Variants in ANKRD17 observed in about 807,000 individuals in gnomAD.
ANKRD17 encodes the protein ankyrin repeat domain 17.
A neutral mutation model predicts 229.7 loss-of-function variants in ANKRD17; 19 were observed. The observed-to-expected ratio is 0.08, with a 90% CI of 0.06 to 0.12. The LOEUF (loss-of-function observed/expected upper bound fraction) is 0.12, where lower values mean the gene tolerates loss of function less well. ANKRD17 is among the 10% of genes least tolerant of loss of function. The pLI is 1.00. For synonymous variants in ANKRD17, 1,112 were observed against 1,146.1 expected (o/e 0.97, Z 0.60); for missense variants, 2,176 against 3,176.8 (o/e 0.68, Z 7.57).
chr4:73,091,145 C>T lies in ANKRD17; in HGVS notation c.6483G>A (p.Gln2161=). The T allele has an allele frequency of 1.9e-6, 3 of 1,614,136 alleles. No homozygotes were observed. The highest frequency in any genetic ancestry group is 1.7e-6 in the Non-Finnish European group (2 of 1,180,038). The change falls in exon 29 of 34, where the codon CAG becomes CAA. Residue 2161 remains glutamine, a synonymous_variant. Coordinates refer to ENST00000358602, the MANE Select transcript of ANKRD17 (RefSeq NM_032217.5). ...STAPVTYPMP[Q]TPMGCPQPTP... Reference sequence around the variant, plus strand: ...TAGGCTGGGGGCATCCCATTGGTGTCTGAGGCATAGGGTAAGTCACTGGGG... The same window carrying T: ...TAGGCTGGGGGCATCCCATTGGTGTTTGAGGCATAGGGTAAGTCACTGGGG...
intron 28 of ANKRD17, 151 bp from the exon 29 acceptor site, chr4:73,092,451 G>A (rs963510995): frequency 1.2e-5 from 8 of 658,884 alleles, no homozygotes; most frequent in African/African-American, 7.3e-5. Context: ...AACAAAAGCT[G>A]GGCAGCAATT....
At chr4:73,077,640 A>G (rs1721128936) in intron 31 of ANKRD17, 107 bp from the exon 32 acceptor site, 3 of 935,268 alleles carry the variant, frequency 3.2e-6, no homozygotes, top group Non-Finnish European at 4.5e-6. Context: ...TTATTTCAAT[A>G]TAATGACCTA....
intron 14 of ANKRD17, among the ~76,000 whole-genome samples, chr4:73,140,881 C>T (rs1729511274): frequency 6.6e-6 from 1 of 152,150 alleles, no homozygotes; most frequent in Admixed American, 6.5e-5. Context: ...GCTATCTGGC[C>T]AGTAGAGAAT....
rs983449719 is a variant in ANKRD17 at position 73,258,798 on chromosome 4, T to C, written c.-130A>G. ...CCGCCACCGCCTCGGTCACCTCTAC[T>C]GCCGCCGCCGCCGCCGCCGCTCCGC... On this transcript the variant is annotated 5_prime_UTR_variant, in exon 1 of 34. Transcript: ENST00000358602. 178 of 1,139,182 alleles carry C rather than the reference T, an allele frequency of 1.6e-4. No individual in the cohort carries two copies. In the African/African-American group the frequency reaches 2.6e-3, roughly 17 times the overall value. The allele number at this position is 1,139,182 out of a possible 1,614,324, so 70.6% of individuals were successfully genotyped here.
chr4:73,100,011 G>A (rs541625297), intron 25 of ANKRD17, among the ~76,000 whole-genome samples: 1 of 152,032 alleles, frequency 6.6e-6, no homozygotes, highest in Non-Finnish European at 1.5e-5. Flanking sequence ...CAATAACAAG[G>A]AGCTCACCCT....
intron 24 of ANKRD17, chr4:73,112,998 G>A (rs971876049): frequency 1.3e-6 from 1 of 758,542 alleles, no homozygotes; most frequent in Non-Finnish European, 1.7e-6. Flanking sequence ...ATGTTGGCCA[G>A]GCTGGTCTCA....
intron 24 of ANKRD17, among the ~76,000 whole-genome samples, chr4:73,111,423 G>A (rs1045585628): frequency 7.9e-5 from 12 of 152,044 alleles, no homozygotes; most frequent in South Asian, 4.2e-4. Flanking sequence ...AGAAAAGGAC[G>A]GCGCAAAATT....
chr4:73,120,114 C>T (rs1290555334), intron 21 of ANKRD17, 48 bp downstream of exon 21: 2 of 1,541,978 alleles, frequency 1.3e-6, no homozygotes, highest in Non-Finnish European at 9.0e-7. Context: ...GAATGATAAC[C>T]ACTAGTAACA....
chr4:73,205,345 T>C (rs1739303210), intron 1 of ANKRD17, among the ~76,000 whole-genome samples: 1 of 151,722 alleles, frequency 6.6e-6, no homozygotes, highest in African/African-American at 2.4e-5. Flanking sequence ...AAATAAAAAA[T>C]TTAAAAAACA....
intron 10 of ANKRD17, among the ~76,000 whole-genome samples, chr4:73,145,595 C>T (rs1730166347): frequency 6.6e-6 from 1 of 152,062 alleles, no homozygotes; most frequent in South Asian, 2.1e-4. Flanking sequence ...TAAGCCATAT[C>T]CTAGGTTTTT....
intron 1 of ANKRD17, among the ~76,000 whole-genome samples, chr4:73,203,812 T>C (rs1739037646): frequency 6.9e-6 from 1 of 145,594 alleles, no homozygotes; most frequent in South Asian, 2.2e-4. Flanking sequence ...ATTCTCAAAA[T>C]TGGATAGAAA....
chr4:73,197,753 G>C (rs544950428), intron 1 of ANKRD17, among the ~76,000 whole-genome samples: 1 of 152,190 alleles, frequency 6.6e-6, no homozygotes, highest in African/African-American at 2.4e-5. Flanking sequence ...AGGAGTTTGA[G>C]GCTGCAATGA....
At position 73,141,413 on chromosome 4, in the gene ANKRD17, G is replaced by T. The variant is rs369868124; in HGVS notation, c.2332+328C>A. On this transcript the variant is annotated intron_variant, in intron 14 of 33. Coordinates refer to ENST00000358602, the MANE Select transcript of ANKRD17 (RefSeq NM_032217.5). The stretch of plus-strand genomic sequence containing the variant: ...TAATTTATGCCTTTATAACTGCAGA[G>T]ATTTAGGTAAGTAATTTATAAAAAT... Among the ~76,000 whole-genome samples the T allele has an allele frequency of 1.0e-3, 156 of 152,250 alleles. No individual in the cohort carries two copies. In the South Asian group the frequency reaches 0.017, roughly 16 times the overall value.
chr4:73,145,526 T>C (rs1730155173), intron 10 of ANKRD17, among the ~76,000 whole-genome samples: 1 of 152,140 alleles, frequency 6.6e-6, no homozygotes, highest in Admixed American at 6.5e-5. Context: ...TGTATGGCAT[T>C]TTTTATTTCT....
intron 24 of ANKRD17, among the ~76,000 whole-genome samples, chr4:73,110,980 G>T (rs1203948131): frequency 6.6e-6 from 1 of 152,100 alleles, no homozygotes; most frequent in Non-Finnish European, 1.5e-5. Flanking sequence ...GTTAAATAAC[G>T]CTGGCAAGAA....
At chr4:73,235,392 C>T (rs1743408729) in intron 1 of ANKRD17, among the ~76,000 whole-genome samples, 1 of 152,198 alleles carries the variant, frequency 6.6e-6, no homozygotes, top group South Asian at 2.1e-4. Context: ...TTAGATCCAT[C>T]TATGCACCTA....
intron 25 of ANKRD17, chr4:73,101,110 C>T: frequency 1.2e-6 from 1 of 834,534 alleles, no homozygotes; most frequent in Non-Finnish European, 1.4e-6. Context: ...AAATATTACA[C>T]CATGTTATAT....
chr4:73,151,599 GAA>G (rs1438398331), intron 6 of ANKRD17, 75 bp from the exon 7 acceptor site: 27 of 1,137,250 alleles, frequency 2.4e-5, no homozygotes, highest in African/African-American at 1.6e-4. Flanking sequence ...ATAATATTTT[GAA>G]AAGTTATATT....
chr4:73,090,515 A>G (rs1434102074), intron 29 of ANKRD17, 152 bp downstream of exon 29: 2 of 951,480 alleles, frequency 2.1e-6, no homozygotes, highest in Admixed American at 2.8e-5. Context: ...AAATAACACC[A>G]TACTAAACAC....
Sources: allele counts gnomAD v4.1 joint callset (sites outside exome capture counted in the v4.1 genomes callset), GRCh38; gene constraint gnomAD v4.1.1; transcripts MANE v1.5; gene names NCBI Gene and HGNC (gene_info 2026-07-23, HGNC 2026-07-21).